The following MARCHF2 variants were observed in gnomAD, a reference collection of about 807,000 sequenced individuals.
MARCHF2 encodes membrane associated ring-CH-type finger 2.
A neutral mutation model predicts 24.0 loss-of-function variants in MARCHF2; 22 were observed. That is an observed-to-expected ratio of 0.92 (90% CI 0.66 to 1.31). MARCHF2 has a LOEUF of 1.31. MARCHF2 is among the 50% of genes most tolerant of loss of function. MARCHF2 has a pLI of 0.00. For missense variants in MARCHF2, 301 were observed against 335.3 expected (o/e 0.90, Z 0.80); for synonymous variants, 154 against 153.0 (o/e 1.01, Z -0.05).
At chr19:8,435,420 C>G (rs936671395) in intron 4 of MARCHF2, among the ~76,000 whole-genome samples, 1 of 152,250 alleles carries the variant, frequency 6.6e-6, no homozygotes, top group East Asian at 1.9e-4. Context: ...CTGCTCCATA[C>G]GCACACAACT....
chr19:8,420,211 G>C (rs1599702002), intron 1 of MARCHF2, among the ~76,000 whole-genome samples: 1 of 150,442 alleles, frequency 6.6e-6, no homozygotes, highest in South Asian at 2.1e-4. Flanking sequence ...AGCTGAGTGT[G>C]GTGGTGGGCC....
At chr19:8,431,887 T>TGGC (rs1967596708) in intron 4 of MARCHF2, among the ~76,000 whole-genome samples, 1 of 151,710 alleles carries the variant, frequency 6.6e-6, no homozygotes, top group South Asian at 2.1e-4. Context: ...CCAGGTGCGG[T>TGGC]GGCTCATGCC....
chr19:8,433,741 G>A (rs1967640696), intron 4 of MARCHF2, among the ~76,000 whole-genome samples: 1 of 151,566 alleles, frequency 6.6e-6, no homozygotes, highest in South Asian at 2.1e-4. Context: ...GCACATGCCA[G>A]TAATCCTAGC....
In MARCHF2 at chr19:8,430,811, G is replaced by C; in HGVS notation, c.526G>C (p.Val176Leu). The C allele has an allele frequency of 1.2e-6, 2 of 1,610,848 alleles. No individual in the cohort carries two copies. Among genetic ancestry groups the C allele is most frequent in the Non-Finnish European group, 1.7e-6 (2 of 1,179,984 alleles). The change falls in exon 4 of 5, where the codon GTG (valine) becomes CTG (leucine). Residue 176 changes from valine (V) to leucine (L), a missense_variant. By Grantham distance (32) the Val-to-Leu change is conservative. Coordinates refer to ENST00000215555, the MANE Select transcript of MARCHF2 (RefSeq NM_001005415.2). The surrounding 1 kb of genome is among the most constrained non-coding windows in gnomAD (Gnocchi z 4.4). Reference protein sequence around the residue: ...HLRLHSQLEAVGLIALTIALF... With the variant: ...HLRLHSQLEALGLIALTIALF... Reference sequence around the variant, plus strand: ...CCGGCTCCACAGCCAGCTGGAGGCCGTGGGTCTCATTGCCCTCACCATCGC... The same window carrying C: ...CCGGCTCCACAGCCAGCTGGAGGCCCTGGGTCTCATTGCCCTCACCATCGC...
intron 4 of MARCHF2, among the ~76,000 whole-genome samples, chr19:8,437,891 C>T (rs58771730): frequency 0.012 from 1,769 of 151,850 alleles, 24 homozygotes; most frequent in African/African-American, 0.037. Context: ...ACTACAGGTC[C>T]GTGCCACCAC....
chr19:8,429,227 C>T (rs1429865241), intron 3 of MARCHF2, among the ~76,000 whole-genome samples: 1 of 152,052 alleles, frequency 6.6e-6, no homozygotes, highest in Non-Finnish European at 1.5e-5. Flanking sequence ...TTGGCAAGGC[C>T]TTGCCCCATG....
chr19:8,427,804 A>C (rs1967449746), intron 3 of MARCHF2: 1 of 43,396 alleles, frequency 2.3e-5, no homozygotes, highest in Admixed American at 3.3e-4. Flanking sequence ...TCTACTAAAA[A>C]TACAAAAAAT....
At position 8,438,436 on chromosome 19, in the gene MARCHF2, A is replaced by G; in HGVS notation, c.631A>G (p.Asn211Asp). The G allele has an allele frequency of 6.2e-7, 1 of 1,614,128 alleles. No individual in the cohort carries two copies. The highest frequency in any genetic ancestry group is 8.5e-7 in the Non-Finnish European group (1 of 1,180,038). Residue 211 changes from asparagine (N) to aspartate (D), a missense_variant, in exon 5 of 5, where the codon AAC becomes GAC. Coordinates refer to ENST00000215555, the MANE Select transcript of MARCHF2 (RefSeq NM_001005415.2). The stretch of plus-strand genomic sequence containing the variant: ...GCTGTACTCCGAGTGGAGAAAGACC[A>G]ACCAGAAAGTTCGCCTGAAGATCCG... ...CQLYSEWRKT[N>D]QKVRLKIREA...
intron 1 of MARCHF2, among the ~76,000 whole-genome samples, chr19:8,414,569 C>T (rs546404345): frequency 1.3e-5 from 2 of 152,262 alleles, no homozygotes; most frequent in African/African-American, 4.8e-5. Flanking sequence ...TGAGCCACTG[C>T]GCCCGGCCTG....
chr19:8,416,556 A>G (rs1967092378), intron 1 of MARCHF2, among the ~76,000 whole-genome samples: 1 of 152,086 alleles, frequency 6.6e-6, no homozygotes, highest in Admixed American at 6.6e-5. Flanking sequence ...AGTGGAATCA[A>G]GTGGACCCCA....
At chr19:8,420,840 A>C (rs1967218080) in intron 1 of MARCHF2, among the ~76,000 whole-genome samples, 1 of 151,924 alleles carries the variant, frequency 6.6e-6, no homozygotes, top group African/African-American at 2.4e-5. Flanking sequence ...TCTTTAGTAG[A>C]GCCAGGGTTT....
rs1229726082 is a variant in MARCHF2, at chr19:8,430,601, C to T, written c.373-57C>T. 8 of 1,446,196 alleles carry T rather than the reference C, an allele frequency of 5.5e-6. No homozygotes were observed. The highest frequency in any genetic ancestry group is 1.1e-5 in the South Asian group (1 of 87,572). The allele number at this position is 1,446,196 out of a possible 1,614,324, so 89.6% of individuals were successfully genotyped here. A position where few individuals can be genotyped will look rare whatever the true frequency, so the allele number is the denominator to read the frequency against. On this transcript the variant is annotated intron_variant, in intron 3 of 4. Coordinates refer to ENST00000215555, the MANE Select transcript of MARCHF2 (RefSeq NM_001005415.2). The surrounding 1 kb of genome is among the most constrained non-coding windows in gnomAD (Gnocchi z 4.4). Reference sequence around the variant, plus strand: ...TAGGCCTGGAGGTCCTTACCCCTCCCCCTCAGTAGCCCCTTCTCTGCCCCC... The same window carrying T: ...TAGGCCTGGAGGTCCTTACCCCTCCTCCTCAGTAGCCCCTTCTCTGCCCCC...
At chr19:8,424,700 C>G (rs1183563950) in intron 2 of MARCHF2, among the ~76,000 whole-genome samples, 1 of 151,978 alleles carries the variant, frequency 6.6e-6, no homozygotes, top group African/African-American at 2.4e-5. Context: ...CTTTCCCTGT[C>G]TCTTGGCTCT....
chr19:8,415,670 G>A (rs1284791411), intron 1 of MARCHF2, among the ~76,000 whole-genome samples: 12 of 142,734 alleles, frequency 8.4e-5, no homozygotes, highest in Non-Finnish European at 1.5e-5. Flanking sequence ...GCAGAGAACC[G>A]AGGTGGTGCC....
chr19:8,426,839 G>A (rs368003230), intron 3 of MARCHF2, 35 bp downstream of exon 3: 3 of 1,592,364 alleles, frequency 1.9e-6, no homozygotes, highest in Non-Finnish European at 2.6e-6. Flanking sequence ...GGTGGGCAGT[G>A]GGGAGAGGGC....
At position 8,427,519 on chromosome 19, in the gene MARCHF2, G is replaced by GAA. The variant is rs71175855; in HGVS notation, c.372+730_372+731dup. On this transcript the variant is annotated intron_variant, in intron 3 of 4. Transcript: ENST00000215555. ...GCATCGCTTCTGATATGAGGTTACA[G>GAA]AAAAAAAAAAAAAAAATCAACGAAG... 1.4e-3 allele frequency among the ~76,000 whole-genome samples: 188 copies of GAA among 132,014 alleles called. 2 individuals carry two copies. The highest frequency in any genetic ancestry group is 5.7e-3 in the Admixed American group (71 of 12,402). 86.6% of individuals were successfully genotyped at this position (132,014 alleles called of 152,430 possible).
At chr19:8,424,491 C>T (rs1000372333) in intron 2 of MARCHF2, among the ~76,000 whole-genome samples, 1 of 151,980 alleles carries the variant, frequency 6.6e-6, no homozygotes, top group Admixed American at 6.6e-5. Flanking sequence ...CACGGTGAAA[C>T]CCCGTCTCTA....
intron 4 of MARCHF2, among the ~76,000 whole-genome samples, chr19:8,434,908 G>T (rs1276640187): frequency 6.6e-6 from 1 of 151,858 alleles, no homozygotes; most frequent in Non-Finnish European, 1.5e-5. Flanking sequence ...TTTTCACCAT[G>T]TTGGCCAGGC....
At chr19:8,438,319 G>T in intron 4 of MARCHF2, 69 bp from the exon 5 acceptor site, 1 of 1,543,600 alleles carries the variant, frequency 6.5e-7, no homozygotes, top group Non-Finnish European at 8.9e-7. Context: ...CAACGCAGGT[G>T]CCACCACGGC....
Sources: allele counts gnomAD v4.1 joint callset (sites outside exome capture counted in the v4.1 genomes callset), GRCh38; gene constraint gnomAD v4.1.1; non-coding constraint Gnocchi (gnomAD v3.1); transcripts MANE v1.5; gene names NCBI Gene and HGNC (gene_info 2026-07-23, HGNC 2026-07-21).